CPNE7: variants seen among roughly 807,000 people sequenced by gnomAD.
CPNE7 encodes the protein copine-7.
A neutral mutation model predicts 66.5 loss-of-function variants in CPNE7; 78 were observed. The ratio of observed to expected loss-of-function variants is 1.17; its 90% CI spans 0.98 to 1.42. CPNE7 has a LOEUF of 1.42. Ranked by LOEUF, CPNE7 falls within the 40% of genes most tolerant of loss-of-function variation. The pLI is 0.00. For synonymous variants in CPNE7, 468 were observed against 336.7 expected (o/e 1.39, Z -4.27); for missense variants, 1,012 against 776.6 (o/e 1.30, Z -3.60).
intron 14 of CPNE7, among the ~76,000 whole-genome samples, chr16:89,596,234 A>G (rs935134011): frequency 6.6e-6 from 1 of 151,696 alleles, no homozygotes; most frequent in Non-Finnish European, 1.5e-5. Context: ...GGCCTGGACC[A>G]TGGAGGTGGC....
At chr16:89,591,327 C>G (rs529073254) in intron 13 of CPNE7, 67 bp downstream of exon 13, 1 of 1,464,826 alleles carries the variant, frequency 6.8e-7, no homozygotes, top group East Asian at 2.4e-5. Flanking sequence ...AGCGCGTGGA[C>G]GTCAGGGAGG....
intron 2 of CPNE7, chr16:89,578,783 C>G: frequency 1.4e-6 from 2 of 1,428,230 alleles, no homozygotes; most frequent in Non-Finnish European, 1.8e-6. Flanking sequence ...AAAAAAGAAG[C>G]CTCCTTGTGA....
chr16:89,590,176 C>T (rs1213642705), intron 11 of CPNE7, among the ~76,000 whole-genome samples: 3 of 152,192 alleles, frequency 2.0e-5, no homozygotes, highest in South Asian at 2.1e-4. Flanking sequence ...ACTCCGTGTT[C>T]CTTCAGGAGA....
chr16:89,588,885 AC>A (rs1207852852), intron 10 of CPNE7, 77 bp downstream of exon 10: 12 of 1,494,044 alleles, frequency 8.0e-6, no homozygotes, highest in Admixed American at 1.8e-5. Context: ...CTTCCCCCTC[AC>A]CCCCCTGGTC....
chr16:89,591,568 C>T (rs919755681), intron 13 of CPNE7, among the ~76,000 whole-genome samples: 5 of 152,190 alleles, frequency 3.3e-5, no homozygotes, highest in Non-Finnish European at 7.4e-5. Context: ...GTGTGTGTAT[C>T]GTCATTTTGT....
rs747883791 is a variant in CPNE7, at chr16:89,585,449, C to T, written c.592-15C>T. 2 of 1,601,482 alleles carry T rather than the reference C, an allele frequency of 1.2e-6. No homozygotes were observed. The highest frequency in any genetic ancestry group is 2.3e-5 in the East Asian group (1 of 44,440). On this transcript the variant is annotated splice_polypyrimidine_tract_variant and intron_variant, in intron 5 of 14. Transcript: ENST00000319518. ...GCCCTGGGCCTCCCCTGAGCCAGCC[C>T]CTCCCGGCCCACAGGTGGTGAAGAA...
At chr16:89,580,616 G>A (rs1248322343) in intron 2 of CPNE7, among the ~76,000 whole-genome samples, 11 of 92,570 alleles carry the variant, frequency 1.2e-4, no homozygotes, top group East Asian at 3.4e-4. Context: ...CCGCTGACAC[G>A]GAACATCTCA....
At chr16:89,576,674 G>A (rs2058865190) in intron 1 of CPNE7, among the ~76,000 whole-genome samples, 1 of 152,204 alleles carries the variant, frequency 6.6e-6, no homozygotes. Context: ...AGAAACGCAT[G>A]GCGCGAAGCC....
intron 1 of CPNE7, among the ~76,000 whole-genome samples, chr16:89,577,007 G>C (rs1196201290): frequency 6.6e-6 from 1 of 152,214 alleles, no homozygotes; most frequent in African/African-American, 2.4e-5. Context: ...TGAGCTGTAC[G>C]GGTGGCCCAT....
chr16:89,584,846 T>C lies in CPNE7; in HGVS notation c.580T>C (p.Tyr194His). Residue 194 changes from tyrosine to histidine, a missense_variant, in exon 5 of 15, where the codon TAC becomes CAC. Transcript: ENST00000319518. This position sits in a 1 kb window ranked among gnomAD's most constrained non-coding sequence, Gnocchi z 6.0. ...VNDDQGLQLV[Y>H]RTEVVKNNLN... Reference sequence around the variant, plus strand: ...CGACGACCAGGGCTTGCAGCTGGTGTACAGGACGGAGGTGAGCGGCCGGGG... The same window carrying C: ...CGACGACCAGGGCTTGCAGCTGGTGCACAGGACGGAGGTGAGCGGCCGGGG... The C allele has an allele frequency of 6.2e-7, 1 of 1,613,364 alleles. No homozygotes were observed. Among genetic ancestry groups the C allele is most frequent in the East Asian group, 2.2e-5 (1 of 44,880 alleles).
chr16:89,594,754 C>T (rs1266883318), intron 13 of CPNE7, among the ~76,000 whole-genome samples: 4 of 146,790 alleles, frequency 2.7e-5, no homozygotes, highest in East Asian at 4.7e-4. Context: ...CAAGTTCAAG[C>T]GATTCTCATG....
At chr16:89,590,069 G>A in intron 11 of CPNE7, 118 bp downstream of exon 11, 1 of 1,181,444 alleles carries the variant, frequency 8.5e-7, no homozygotes, top group Non-Finnish European at 1.2e-6. Context: ...ACTGTAGGAT[G>A]GGATTGGGGT....
chr16:89,575,941 GT>G lies in CPNE7; in HGVS notation c.47del (p.Leu16CysfsTer111). ...SERGAAATPGGLPAPCASKVE... is the reference protein window; with the variant it reads ...SERGAAATPGXLPAPCASKVE... The stretch of plus-strand genomic sequence containing the variant: ...CGCGGGGCGGCGGCAACCCCCGGGG[GT>G]TTGCCCGCGCCCTGCGCCTCGAAGG... On this transcript the variant is annotated frameshift_variant, in exon 1 of 15. Coordinates refer to ENST00000319518, the MANE Select transcript of CPNE7 (RefSeq NM_153636.3). LOFTEE classifies it high-confidence loss of function. The G allele has an allele frequency of 7.5e-7, 1 of 1,328,248 alleles. No homozygotes were observed. Among genetic ancestry groups the G allele is most frequent in the Non-Finnish European group, 9.6e-7 (1 of 1,039,522 alleles). 82.3% of individuals were successfully genotyped at this position (1,328,248 alleles called of 1,614,324 possible). A position where few individuals can be genotyped will look rare whatever the true frequency, so the allele number is the denominator to read the frequency against.
intron 14 of CPNE7, among the ~76,000 whole-genome samples, chr16:89,596,159 A>G (rs1233578247): frequency 6.6e-6 from 1 of 152,286 alleles, no homozygotes; most frequent in Admixed American, 6.5e-5. Flanking sequence ...TTACAGACAC[A>G]TGAAGCTCTG....
At chr16:89,590,947 A>C in intron 11 of CPNE7, 60 bp from the exon 12 acceptor site, 1 of 1,592,900 alleles carries the variant, frequency 6.3e-7, no homozygotes, top group Non-Finnish European at 8.6e-7. Flanking sequence ...ACCGAGGGAC[A>C]TGGGGCCAGT....
Position 89,584,766 on chromosome 16 carries a change from C to CT in CPNE7, c.508-7dup. On this transcript the variant is annotated splice_polypyrimidine_tract_variant and splice_region_variant and intron_variant, in intron 4 of 14. Transcript: ENST00000319518. This position sits in a 1 kb window ranked among gnomAD's most constrained non-coding sequence, Gnocchi z 6.0. The stretch of plus-strand genomic sequence containing the variant: ...GCCTGGCCCAGCAGCCCTTGTGCCT[C>CT]TCCCCAGGACCTCTTCAGCAAGTCC... 6.2e-7 allele frequency: 1 copy of CT among 1,609,458 alleles called. No individual in the cohort carries two copies. Among genetic ancestry groups the CT allele is most frequent in the Non-Finnish European group, 8.5e-7 (1 of 1,177,470 alleles).
rs2058853514 is a variant in CPNE7, at chr16:89,575,973, C to T, written c.76C>T (p.Leu26=). Residue 26 remains leucine (L), a synonymous_variant, in exon 1 of 15, where the codon CTG becomes TTG. Coordinates refer to ENST00000319518, the MANE Select transcript of CPNE7 (RefSeq NM_153636.3). ...CGCGCCCTGCGCCTCGAAGGTGGAG[C>T]TGCGGCTCAGCTGCCGGCACCTGCT... ...LPAPCASKVE[L]RLSCRHLLDR... is the part of the protein sequence containing the mutation. 2.2e-6 allele frequency: 3 copies of T among 1,370,776 alleles called. No individual in the cohort carries two copies. The highest frequency in any genetic ancestry group is 2.8e-6 in the Non-Finnish European group (3 of 1,060,904). 84.9% of individuals were successfully genotyped at this position (1,370,776 alleles called of 1,614,324 possible). A position where few individuals can be genotyped will look rare whatever the true frequency, so the allele number is the denominator to read the frequency against.
chr16:89,588,776 G>A lies in CPNE7; in HGVS notation c.1029G>A (p.Val343=), dbSNP rs2059125524. 1.2e-6 allele frequency: 2 copies of A among 1,613,696 alleles called. No homozygotes were observed. ...CGAACGAGTACCTGAAGGCACTGGT[G>A]TCCGTGGGCGAGATCTGCCAGGACT... ...YQPNEYLKAL[V]SVGEICQDYD... The change falls in exon 10 of 15, where the codon GTG becomes GTA. Residue 343 remains valine (V), a synonymous_variant. Coordinates refer to ENST00000319518, the MANE Select transcript of CPNE7 (RefSeq NM_153636.3).
At chr16:89,596,350 A>T in intron 14 of CPNE7, 134 bp from the exon 15 acceptor site, 1 of 1,238,580 alleles carries the variant, frequency 8.1e-7, no homozygotes, top group Non-Finnish European at 1.1e-6. Flanking sequence ...CCCGGCACCC[A>T]GGTGAGCCTC....
Sources: allele counts gnomAD v4.1 joint callset (sites outside exome capture counted in the v4.1 genomes callset), GRCh38; gene constraint gnomAD v4.1.1; non-coding constraint Gnocchi (gnomAD v3.1); transcripts MANE v1.5; gene names NCBI Gene and HGNC (gene_info 2026-07-23, HGNC 2026-07-21).